Variants in THADA observed in about 807,000 individuals in gnomAD.
THADA encodes THADA armadillo repeat containing, also known as tRNA (32-2'-O)-methyltransferase regulator THADA.
A neutral mutation model predicts 219.8 loss-of-function variants in THADA; 213 were observed. That is an observed-to-expected ratio of 0.97 (90% CI 0.87 to 1.09). THADA has a LOEUF of 1.09. THADA is among the 50% of genes least tolerant of loss of function. The pLI is 0.00. For synonymous variants in THADA, 1,018 were observed against 828.9 expected (o/e 1.23, Z -3.92); for missense variants, 2,956 against 2,311.3 (o/e 1.28, Z -5.72).
At chr2:43,293,620 C>T (rs1404897466) in intron 31 of THADA, among the ~76,000 whole-genome samples, 1 of 152,152 alleles carries the variant, frequency 6.6e-6, no homozygotes, top group African/African-American at 2.4e-5. Flanking sequence ...TTGAACCCTA[C>T]AGTACCCTGG....
intron 26 of THADA, among the ~76,000 whole-genome samples, chr2:43,446,578 T>C (rs930231924): frequency 6.6e-6 from 1 of 152,154 alleles, no homozygotes; most frequent in African/African-American, 2.4e-5. Flanking sequence ...GCCACCTGAG[T>C]GATCCCAGAT....
chr2:43,429,812 G>A (rs1679002684), intron 27 of THADA, among the ~76,000 whole-genome samples: 1 of 151,654 alleles, frequency 6.6e-6, no homozygotes, highest in Non-Finnish European at 1.5e-5. Flanking sequence ...ATTTACTACA[G>A]AGAACCAAGC....
At chr2:43,330,870 C>T (rs1237880365) in intron 30 of THADA, among the ~76,000 whole-genome samples, 2 of 152,182 alleles carry the variant, frequency 1.3e-5, no homozygotes, top group Non-Finnish European at 2.9e-5. Flanking sequence ...AGGCAAAAAA[C>T]AAACTTGCTA....
chr2:43,257,089 C>T (rs1438251146), intron 36 of THADA, among the ~76,000 whole-genome samples: 1 of 152,156 alleles, frequency 6.6e-6, no homozygotes, highest in Non-Finnish European at 1.5e-5. Flanking sequence ...GTAGAGGTCC[C>T]TCTGTTGGTG....
intron 29 of THADA, among the ~76,000 whole-genome samples, chr2:43,360,532 C>T (rs1669388351): frequency 6.6e-6 from 1 of 152,204 alleles, no homozygotes; most frequent in Non-Finnish European, 1.5e-5. Flanking sequence ...TTTACATGTT[C>T]ATCTTTCCCC....
chr2:43,358,772 G>A (rs1573252051), intron 29 of THADA, among the ~76,000 whole-genome samples: 1 of 152,240 alleles, frequency 6.6e-6, no homozygotes, highest in East Asian at 1.9e-4. Context: ...TCAGGAGTTT[G>A]CTGGCTTCCA....
intron 15 of THADA, chr2:43,565,743 C>G (rs950905350): frequency 6.6e-6 from 1 of 152,214 alleles, no homozygotes; most frequent in Non-Finnish European, 1.5e-5. Flanking sequence ...GAAGACAGCA[C>G]AAGCAAGAAA....
At chr2:43,573,377 T>G (rs563245583) in intron 11 of THADA, among the ~76,000 whole-genome samples, 20 of 152,256 alleles carry the variant, frequency 1.3e-4, no homozygotes, top group African/African-American at 4.8e-4. Context: ...TGAACCTCTC[T>G]GCATATTTTA....
chr2:43,411,191 C>T (rs1217071825), intron 28 of THADA, among the ~76,000 whole-genome samples: 3 of 152,102 alleles, frequency 2.0e-5, no homozygotes, highest in African/African-American at 4.8e-5. Flanking sequence ...ACTGACTTGC[C>T]CAGGCTCACA....
chr2:43,420,921 AG>A (rs2104789540), intron 28 of THADA, among the ~76,000 whole-genome samples: 1 of 152,344 alleles, frequency 6.6e-6, no homozygotes, highest in Non-Finnish European at 1.5e-5. Flanking sequence ...ATAAAGTGCT[AG>A]GCACAGTAAA....
chr2:43,484,926 AAAG>A (rs1428179104), intron 26 of THADA, among the ~76,000 whole-genome samples: 1 of 151,296 alleles, frequency 6.6e-6, no homozygotes, highest in African/African-American at 2.4e-5. Flanking sequence ...AGGACTACTT[AAAG>A]AAGATGCAAT....
At chr2:43,486,641 G>C (rs1686951974) in intron 25 of THADA, 1 of 152,174 alleles carries the variant, frequency 6.6e-6, no homozygotes, top group African/African-American at 2.4e-5. Flanking sequence ...AATGCCCTTA[G>C]AGTCACAAGC....
chr2:43,517,393 G>A (rs1447728486), intron 22 of THADA, among the ~76,000 whole-genome samples: 3 of 152,126 alleles, frequency 2.0e-5, no homozygotes, highest in Non-Finnish European at 4.4e-5. Flanking sequence ...GACTCAAACT[G>A]CCAGGAAGGT....
chr2:43,567,474 A>G (rs888570371), intron 14 of THADA, among the ~76,000 whole-genome samples: 2 of 152,100 alleles, frequency 1.3e-5, no homozygotes, highest in Non-Finnish European at 2.9e-5. Context: ...TAAAAATACA[A>G]AAATTAGCCA....
At position 43,514,668 on chromosome 2, in the gene THADA, TATATA is replaced by T. The variant is rs1266405769; in HGVS notation, c.3375-5893_3375-5889del. Among the ~76,000 whole-genome samples the T allele has an allele frequency of 8.4e-5, 7 of 83,390 alleles. 1 individual carries two copies. The highest frequency in any genetic ancestry group is 1.7e-4 in the African/African-American group (3 of 17,880). 54.7% of individuals were successfully genotyped at this position (83,390 alleles called of 152,430 possible). On this transcript the variant is annotated intron_variant, in intron 22 of 37. Transcript: ENST00000405975. ...ATAATATATATATTGTATATAATAA[TATATA>T]ATATATTATATTATATATAATATAT...
chr2:43,581,775 T>C lies in THADA; in HGVS notation c.687A>G (p.Gly229=). ...SDSPIWQNMC[G]LLSIFTKVLS... is the part of the protein sequence containing the mutation. ...AAACCTTGGTAAAAATACTCAGCAA[T>C]CCACACATATTTTGCCATATGGGAG... The change falls in exon 8 of 38, where the codon GGA becomes GGG. Residue 229 remains glycine, a synonymous_variant. Coordinates refer to ENST00000405975, the MANE Select transcript of THADA (RefSeq NM_022065.5). 2.5e-6 allele frequency: 4 copies of C among 1,612,084 alleles called. No homozygotes were observed. The highest frequency in any genetic ancestry group is 3.4e-6 in the Non-Finnish European group (4 of 1,179,542).
rs1559037933 is a variant in THADA, at chr2:43,590,951, C to T, written c.175G>A (p.Val59Met). Residue 59 changes from valine to methionine, a missense_variant, in exon 4 of 38, where the codon GTG becomes ATG. Coordinates refer to ENST00000405975, the MANE Select transcript of THADA (RefSeq NM_022065.5). ...TTATCTGCTTTCTCCAGCAGAGGCACAATCTATAATACAAAACATTGAAGT... is the reference window on the plus strand; with the variant it reads ...TTATCTGCTTTCTCCAGCAGAGGCATAATCTATAATACAAAACATTGAAGT... Reference protein sequence around the residue: ...VSQIHYIKQIVPLLEKADKNG... With the variant: ...VSQIHYIKQIMPLLEKADKNG... The T allele has an allele frequency of 6.2e-7, 1 of 1,611,906 alleles. No individual in the cohort carries two copies. The highest frequency in any genetic ancestry group is 1.7e-5 in the Admixed American group (1 of 59,808).
chr2:43,460,459 A>G (rs1429488425), intron 26 of THADA, among the ~76,000 whole-genome samples: 3 of 152,116 alleles, frequency 2.0e-5, no homozygotes, highest in Non-Finnish European at 4.4e-5. Context: ...TACCAAGTTG[A>G]AAAGCCAAAA....
intron 29 of THADA, among the ~76,000 whole-genome samples, chr2:43,389,429 A>G (rs1558681678): frequency 6.6e-6 from 1 of 152,206 alleles, no homozygotes; most frequent in Non-Finnish European, 1.5e-5. Flanking sequence ...AGGCCAGCCT[A>G]TGCACCATAG....
Sources: allele counts gnomAD v4.1 joint callset (sites outside exome capture counted in the v4.1 genomes callset), GRCh38; gene constraint gnomAD v4.1.1; transcripts MANE v1.5; gene names NCBI Gene and HGNC (gene_info 2026-07-23, HGNC 2026-07-21).